LTBP4: variants seen among roughly 807,000 people sequenced by gnomAD.
LTBP4 encodes the protein latent-transforming growth factor beta-binding protein 4.
A neutral mutation model predicts 180.2 loss-of-function variants in LTBP4; 93 were observed. That is an observed-to-expected ratio of 0.52 (90% CI 0.44 to 0.61). The LOEUF (loss-of-function observed/expected upper bound fraction) is 0.61, where lower values mean the gene tolerates loss of function less well. LTBP4 is among the 20% of genes least tolerant of loss of function. The pLI, the probability that LTBP4 is intolerant of heterozygous loss-of-function variation, is 0.00. For synonymous variants in LTBP4, 947 were observed against 934.5 expected (o/e 1.01, Z -0.24); for missense variants, 2,116 against 2,256.5 (o/e 0.94, Z 1.26).
In LTBP4 at chr19:40,619,474, T is replaced by A. The variant is rs753058851; in HGVS notation, c.3198T>A (p.Val1066=). ...TTGACCCCATGACTGGACGCTGTGT[T>A]CCCCCACGAACTTCTGCTGGTGAGA... is the stretch of plus-strand genomic sequence containing the variant. ...EEFDPMTGRC[V]PPRTSAGTFP... Residue 1066 remains valine, a synonymous_variant, in exon 22 of 30, where the codon GTT becomes GTA. Transcript: ENST00000396819. 6.2e-6 allele frequency: 10 copies of A among 1,611,698 alleles called. No individual in the cohort carries two copies. The highest frequency in any genetic ancestry group is 6.8e-6 in the Non-Finnish European group (8 of 1,178,610).
intron 1 of LTBP4, among the ~76,000 whole-genome samples, chr19:40,593,692 TATTAGAGTC>T (rs2081377337): frequency 8.3e-6 from 1 of 120,306 alleles, no homozygotes; most frequent in African/African-American, 3.6e-5. Context: ...AGATCTAGAA[TATTAGAGTC>T]ATTTTTTTTT....
At chr19:40,617,334 T>G in intron 21 of LTBP4, 109 bp downstream of exon 21, 1 of 1,399,594 alleles carries the variant, frequency 7.1e-7, no homozygotes, top group East Asian at 2.5e-5. Context: ...TTGTGGAATT[T>G]AGACTTTGGA....
rs1383769343 is a variant in LTBP4 at position 40,625,846 on chromosome 19, T to A, written c.3833-11T>A. On this transcript the variant is annotated splice_polypyrimidine_tract_variant and intron_variant, in intron 26 of 29. Coordinates refer to ENST00000396819, the MANE Select transcript of LTBP4 (RefSeq NM_001042545.2). ...CAGGCCCACTCTGACACATGCTGTC[T>A]CCACCTACAGATGACAATCTGGGAG... 5 of 1,564,284 alleles carry A rather than the reference T, an allele frequency of 3.2e-6. No homozygotes were observed. The highest frequency in any genetic ancestry group is 4.3e-6 in the Non-Finnish European group (5 of 1,155,862).
intron 1 of LTBP4, among the ~76,000 whole-genome samples, chr19:40,595,832 G>A (rs2081386784): frequency 6.6e-6 from 1 of 150,552 alleles, no homozygotes; most frequent in East Asian, 2.0e-4. Flanking sequence ...CCAGGCTCAA[G>A]TGATCCTCCT....
In LTBP4 at chr19:40,595,031, T is replaced by G. The variant is rs533332139; in HGVS notation, c.16+1850T>G. 6.6e-5 allele frequency among the ~76,000 whole-genome samples: 10 copies of G among 151,482 alleles called. No homozygotes were observed. In the East Asian group the frequency reaches 2.0e-3, roughly 30 times the overall value. ...TACCCTGTGTGGGTGGAGCCTGGGA[T>G]CCACGAGGTGGGGGCGGGGCTAACG... On this transcript the variant is annotated intron_variant, in intron 1 of 32. Coordinates refer to the LTBP4 transcript ENST00000204005.
chr19:40,593,996 G>A (rs2081378739), intron 1 of LTBP4, among the ~76,000 whole-genome samples: 1 of 151,586 alleles, frequency 6.6e-6, no homozygotes, highest in South Asian at 2.1e-4. Context: ...GTTTCACTGT[G>A]TTGGCCAGGC....
chr19:40,621,588 G>A (rs1268232071), intron 22 of LTBP4, among the ~76,000 whole-genome samples: 1 of 152,148 alleles, frequency 6.6e-6, no homozygotes, highest in African/African-American at 2.4e-5. Flanking sequence ...GGAGCTCAGG[G>A]AACAGGCTGG....
chr19:40,605,064 G>C lies in LTBP4; in HGVS notation c.280G>C (p.Gly94Arg). 6.2e-7 allele frequency: 1 copy of C among 1,613,634 alleles called. No homozygotes were observed. ...FLCPLICHNG[G>R]VCVKPDRCLC... ...GTGTCCCTTGATCTGTCACAATGGC[G>C]GTGTGTGCGTGAAGCCTGACCGCTG... Residue 94 changes from glycine (G) to arginine (R), a missense_variant, in exon 2 of 30, where the codon GGT becomes CGT. By Grantham distance (125) the Gly-to-Arg change is moderately radical. Transcript: ENST00000396819. This position sits in a 1 kb window ranked among gnomAD's most constrained non-coding sequence, Gnocchi z 5.5.
In LTBP4 at chr19:40,601,654, G is replaced by T; in HGVS notation, c.250+17G>T. The T allele has an allele frequency of 7.4e-7, 1 of 1,343,118 alleles. No homozygotes were observed. The highest frequency in any genetic ancestry group is 1.8e-5 in the South Asian group (1 of 54,608). 83.2% of individuals were successfully genotyped at this position (1,343,118 alleles called of 1,614,324 possible). On this transcript the variant is annotated intron_variant, in intron 1 of 29. Coordinates refer to ENST00000396819, the MANE Select transcript of LTBP4 (RefSeq NM_001042545.2). ...TCCGCGCCTGTGAGTGCGGGGTGGT[G>T]GTCCCGAGAGAGCGGCTCCGGGGGG...
chr19:40,596,281 T>G (rs1390747071), intron 1 of LTBP4, among the ~76,000 whole-genome samples: 1 of 151,984 alleles, frequency 6.6e-6, no homozygotes, highest in South Asian at 2.1e-4. Context: ...CAGGCTCACC[T>G]CAAACTCCTG....
chr19:40,594,445 A>C (rs1294834764), intron 1 of LTBP4: 10 of 152,126 alleles, frequency 6.6e-5, no homozygotes, highest in Non-Finnish European at 1.2e-4. Flanking sequence ...CGGAAGTTGC[A>C]GTGGTGAGCC....
At chr19:40,619,531 C>A in intron 22 of LTBP4, 38 bp downstream of exon 22, 1 of 1,559,898 alleles carries the variant, frequency 6.4e-7, no homozygotes. Context: ...TGGCGGCTGG[C>A]CCCATGGGAA....
chr19:40,609,745 G>A lies in LTBP4; in HGVS notation c.1559-1G>A, dbSNP rs781132373. On this transcript the variant is annotated splice_acceptor_variant, in intron 10 of 29. Transcript: ENST00000396819. LOFTEE classifies it high-confidence loss of function. The surrounding 1 kb of genome is among the most constrained non-coding windows in gnomAD (Gnocchi z 4.9). ...GTCACCAGCCCCCTCCGTGTCCTCA[G>A]ATGTGGACGAATGTCGCCGCGTGCC... The A allele has an allele frequency of 6.2e-7, 1 of 1,612,374 alleles. No homozygotes were observed. The highest frequency in any genetic ancestry group is 1.1e-5 in the South Asian group (1 of 91,040).
chr19:40,608,072 G>T, intron 7 of LTBP4, 148 bp from the exon 8 acceptor site: 1 of 798,674 alleles, frequency 1.3e-6, no homozygotes, highest in South Asian at 1.6e-5. Flanking sequence ...CTACTCTTTG[G>T]CCAGGACACC....
chr19:40,606,459 G>C lies in LTBP4; in HGVS notation c.924G>C (p.Thr308=), dbSNP rs578082530. ...GCCAGCACGGCGAGTGTGCAAACAC[G>C]CGCGGCGGGTACACGTGTGTGTGCC... ...GRCQHGECAN[T]RGGYTCVCPD... is the part of the protein sequence containing the mutation. Residue 308 remains threonine (T), a synonymous_variant, in exon 6 of 30, where the codon ACG becomes ACC. Transcript: ENST00000396819. The C allele has an allele frequency of 1.0e-4, 162 of 1,585,802 alleles. No individual in the cohort carries two copies. The highest frequency in any genetic ancestry group is 1.3e-4 in the Non-Finnish European group (157 of 1,166,836).
rs766914396 is a variant in LTBP4, at chr19:40,609,695, G to T, written c.1558+34G>T. ...GACGGAGGGCGCGGAAGGAGGCGGGGCGGGGGGCTTTGCCTGGTCACCTTG... is the reference window on the plus strand; with the variant it reads ...GACGGAGGGCGCGGAAGGAGGCGGGTCGGGGGGCTTTGCCTGGTCACCTTG... On this transcript the variant is annotated intron_variant, in intron 10 of 29. Coordinates refer to ENST00000396819, the MANE Select transcript of LTBP4 (RefSeq NM_001042545.2). The surrounding 1 kb of genome is among the most constrained non-coding windows in gnomAD (Gnocchi z 4.9). The T allele has an allele frequency of 6.2e-7, 1 of 1,611,770 alleles. No individual in the cohort carries two copies. The highest frequency in any genetic ancestry group is 1.1e-5 in the South Asian group (1 of 91,016).
chr19:40,616,456 G>A (rs547285320), intron 19 of LTBP4, among the ~76,000 whole-genome samples: 2 of 152,156 alleles, frequency 1.3e-5, no homozygotes, highest in Admixed American at 1.3e-4. Flanking sequence ...ATAGTGGCTG[G>A]GCGTGGTGGC....
Position 40,606,253 on chromosome 19 carries a change from G to A in LTBP4, c.814G>A (p.Ala272Thr), listed in dbSNP as rs199990200. 1 of 1,594,048 alleles carries A rather than the reference G, an allele frequency of 6.3e-7. No individual in the cohort carries two copies. The highest frequency in any genetic ancestry group is 1.7e-5 in the Admixed American group (1 of 57,446). ...CACAGGGAACTCCGAAAGAGTGAGC[G>A]CCCCAGATGGACCTTGTCCAACCGG... Reference protein sequence around the residue: ...ERLGNSERVSAPDGPCPTGFE... With the variant: ...ERLGNSERVSTPDGPCPTGFE... The change falls in exon 5 of 30, where the codon GCC becomes ACC. Residue 272 changes from alanine (A) to threonine (T), a missense_variant. By Grantham distance (58) the Ala-to-Thr change is moderately conservative. Coordinates refer to ENST00000396819, the MANE Select transcript of LTBP4 (RefSeq NM_001042545.2).
chr19:40,618,085 G>A (rs950320823), intron 21 of LTBP4, among the ~76,000 whole-genome samples: 21 of 150,958 alleles, frequency 1.4e-4, no homozygotes, highest in African/African-American at 4.6e-4. Context: ...TTACTTTGAG[G>A]TGGGGTCTTG....
Sources: gnomAD v4.1 joint callset for allele counts (sites outside exome capture counted in the v4.1 genomes callset) on GRCh38, gnomAD v4.1.1 for gene constraint, Gnocchi (gnomAD v3.1) non-coding constraint, MANE v1.5 for transcripts, NCBI Gene and HGNC (gene_info 2026-07-23, HGNC 2026-07-21) for gene names.